Variants in VPS13D observed in about 807,000 individuals in gnomAD.
VPS13D encodes vacuolar protein sorting 13 homolog D.
VPS13D carries 187 observed loss-of-function variants against 461.9 expected under a neutral mutation model. The observed-to-expected ratio is 0.40, with a 90% CI of 0.36 to 0.46. The LOEUF is 0.46. Ranked by LOEUF, VPS13D falls within the 20% of genes least tolerant of loss-of-function variation. The pLI is 0.60. For synonymous variants in VPS13D, 1,951 were observed against 1,986.3 expected (o/e 0.98, Z 0.47); for missense variants, 4,711 against 5,364.9 (o/e 0.88, Z 3.81).
At position 12,507,393 on chromosome 1, in the gene VPS13D, C is replaced by T; in HGVS notation, c.13035+300C>T. On this transcript the variant is annotated intron_variant, in intron 69 of 69. Transcript: ENST00000620676. The surrounding 1 kb of genome is among the most constrained non-coding windows in gnomAD (Gnocchi z 5.3). ...ACTTACTCTCGTTGGTGATAAGGAA[C>T]AGCTAACACAACACACAGGGTTTTT... is the stretch of plus-strand genomic sequence containing the variant. 1.7e-6 allele frequency: 1 copy of T among 605,336 alleles called. No homozygotes were observed. Among genetic ancestry groups the T allele is most frequent in the Non-Finnish European group, 3.2e-6 (1 of 316,850 alleles). The allele number at this position is 605,336 out of a possible 1,614,324, so 37.5% of individuals were successfully genotyped here.
intron 67 of VPS13D, among the ~76,000 whole-genome samples, chr1:12,487,806 G>T (rs997234662): frequency 1.3e-5 from 2 of 152,130 alleles, no homozygotes; most frequent in African/African-American, 4.8e-5. Context: ...GCGGTTGTAC[G>T]TACTAAGATT....
rs200873224 is a variant in VPS13D at position 12,369,543 on chromosome 1, A to G, written c.10649A>G (p.Asp3550Gly). Residue 3550 changes from aspartate (D) to glycine (G), a missense_variant, in exon 54 of 70, where the codon GAT (aspartate) becomes GGT (glycine). Asp to Gly is a moderately conservative substitution (Grantham distance 94, BLOSUM62 -1). Coordinates refer to ENST00000620676, the MANE Select transcript of VPS13D (RefSeq NM_015378.4). ...GAAGTGAAGCCCATGACTTCATTGG[A>G]TTATGCCTGGGACGAACCCACCTTG... is the stretch of plus-strand genomic sequence containing the variant. Reference protein sequence around the residue: ...RTEVKPMTSLDYAWDEPTLPP... With the variant: ...RTEVKPMTSLGYAWDEPTLPP... 1 of 1,614,136 alleles carries G rather than the reference A, an allele frequency of 6.2e-7. No homozygotes were observed. The highest frequency in any genetic ancestry group is 1.3e-5 in the African/African-American group (1 of 75,032).
Position 12,283,802 on chromosome 1 carries a change from C to T in VPS13D, c.5634+66C>T, listed in dbSNP as rs996065391. ...GGATTTGGGCTTGTTGATTTAAATA[C>T]AAGCACTTTACATTTACTTTGGAAA... On this transcript the variant is annotated intron_variant, in intron 21 of 69. Transcript: ENST00000620676. 9 of 1,450,026 alleles carry T rather than the reference C, an allele frequency of 6.2e-6. No homozygotes were observed. The Admixed American group carries it at 7.5e-5, about 12-fold the overall frequency. The allele number at this position is 1,450,026 out of a possible 1,614,324, so 89.8% of individuals were successfully genotyped here.
At chr1:12,479,543 C>A (rs1645684917) in intron 67 of VPS13D, among the ~76,000 whole-genome samples, 1 of 152,196 alleles carries the variant, frequency 6.6e-6, no homozygotes, top group Admixed American at 6.5e-5. Flanking sequence ...TATACTTTCC[C>A]CATTGTACAG....
chr1:12,472,284 G>A lies in VPS13D; in HGVS notation c.12662+11888G>A, dbSNP rs114258326. ...GGTTTGAGGCTGAGGGGGCCTTACT[G>A]TGGAATGATCAAGTGGGGACCTGCT... On this transcript the variant is annotated intron_variant, in intron 67 of 69. Coordinates refer to ENST00000620676, the MANE Select transcript of VPS13D (RefSeq NM_015378.4). Among the ~76,000 whole-genome samples the A allele has an allele frequency of 5.8e-3, 885 of 152,336 alleles. 9 individuals carry two copies. Among genetic ancestry groups the A allele is most frequent in the African/African-American group, 0.019 (793 of 41,574 alleles).
At chr1:12,374,813 C>G (rs1200667120) in intron 55 of VPS13D, among the ~76,000 whole-genome samples, 1 of 152,204 alleles carries the variant, frequency 6.6e-6, no homozygotes, top group African/African-American at 2.4e-5. Context: ...TCTCAGCTCA[C>G]TACAACCTCT....
chr1:12,246,932 C>T (rs971177037), intron 5 of VPS13D, among the ~76,000 whole-genome samples: 3 of 152,152 alleles, frequency 2.0e-5, no homozygotes, highest in Non-Finnish European at 2.9e-5. Flanking sequence ...AATAATATTG[C>T]TGTAAACATT....
Position 12,279,607 on chromosome 1 carries a change from C to CTAG in VPS13D, c.4560_4562dup (p.Ser1521dup), listed in dbSNP as rs748695490. ...CTTAGCCCAGATGACCTGGGAACTTCTAGCATCATGAAGATTGAAGGAAAA... is the reference window on the plus strand; with the variant it reads ...CTTAGCCCAGATGACCTGGGAACTTCTAGTAGCATCATGAAGATTGAAGGAAAA... On this transcript the variant is annotated inframe_insertion, in exon 20 of 70. Transcript: ENST00000620676. This position sits in a 1 kb window ranked among gnomAD's most constrained non-coding sequence, Gnocchi z 4.3. 4 of 1,612,748 alleles carry CTAG rather than the reference C, an allele frequency of 2.5e-6. No homozygotes were observed. The East Asian group carries it at 8.9e-5, about 36-fold the overall frequency.
At chr1:12,314,511 T>C (rs1642839497) in intron 30 of VPS13D, among the ~76,000 whole-genome samples, 184 bp downstream of exon 30, 1 of 152,252 alleles carries the variant, frequency 6.6e-6, no homozygotes, top group Admixed American at 6.5e-5. Flanking sequence ...GTTTCATTTA[T>C]TGGCCAAAAG....
At chr1:12,430,128 T>C (rs192688003) in intron 65 of VPS13D, among the ~76,000 whole-genome samples, 2 of 152,292 alleles carry the variant, frequency 1.3e-5, no homozygotes, top group Non-Finnish European at 2.9e-5. Context: ...ATTGAGGTAA[T>C]TTTCTCTTTA....
intron 67 of VPS13D, among the ~76,000 whole-genome samples, chr1:12,469,719 A>G (rs192063376): frequency 1.3e-5 from 2 of 152,356 alleles, no homozygotes; most frequent in East Asian, 1.9e-4. Flanking sequence ...CTGGGTTTCT[A>G]GAAGTAACAA....
In VPS13D at chr1:12,365,444, G is replaced by A. The variant is rs1413076997; in HGVS notation, c.10448+2197G>A. On this transcript the variant is annotated intron_variant, in intron 52 of 69. Transcript: ENST00000620676. ...CATCAGGCCGGGCATGGTGGCTCACGCCTGTAATCCCAGCACTTTCGGAGG... is the reference window on the plus strand; with the variant it reads ...CATCAGGCCGGGCATGGTGGCTCACACCTGTAATCCCAGCACTTTCGGAGG... Among the ~76,000 whole-genome samples, 3 of 152,120 alleles carry A rather than the reference G, an allele frequency of 2.0e-5. 1 individual carries two copies. The highest frequency in any genetic ancestry group is 7.2e-5 in the African/African-American group (3 of 41,418).
intron 60 of VPS13D, among the ~76,000 whole-genome samples, chr1:12,390,847 A>G (rs1413933153): frequency 6.6e-6 from 1 of 152,188 alleles, no homozygotes; most frequent in African/African-American, 2.4e-5. Context: ...CACTTTGTTC[A>G]TAGTCCCAGT....
At chr1:12,456,662 A>G (rs567332183) in intron 66 of VPS13D, among the ~76,000 whole-genome samples, 1 of 135,972 alleles carries the variant, frequency 7.4e-6, no homozygotes, top group East Asian at 2.2e-4. Flanking sequence ...AAAAAAAAAG[A>G]AAAGGCTGAC....
intron 52 of VPS13D, among the ~76,000 whole-genome samples, chr1:12,368,145 C>T (rs1644064857): frequency 6.6e-6 from 1 of 152,170 alleles, no homozygotes; most frequent in Non-Finnish European, 1.5e-5. Context: ...GTAAACTTTC[C>T]ATTCCCTTCA....
At chr1:12,346,563 T>C in intron 43 of VPS13D, 42 bp from the exon 44 acceptor site, 1 of 1,600,590 alleles carries the variant, frequency 6.2e-7, no homozygotes, top group South Asian at 1.1e-5. Flanking sequence ...TTGCTAATTA[T>C]CTTAAGTCTG....
chr1:12,376,423 A>G (rs1045920845), intron 55 of VPS13D, among the ~76,000 whole-genome samples: 1 of 152,244 alleles, frequency 6.6e-6, no homozygotes, highest in African/African-American at 2.4e-5. Context: ...GTGGTCTGTA[A>G]AGAGATGTAA....
At chr1:12,337,486 C>T (rs1224009041) in intron 39 of VPS13D, 2 of 152,206 alleles carry the variant, frequency 1.3e-5, no homozygotes, top group African/African-American at 4.8e-5. Flanking sequence ...TAGCCCTTAA[C>T]ATGAAATTTA....
rs1321774697 is a variant in VPS13D, at chr1:12,363,814, G to A, written c.10448+567G>A. Among the ~76,000 whole-genome samples the A allele has an allele frequency of 5.9e-5, 9 of 151,808 alleles. No homozygotes were observed. The East Asian group carries it at 7.7e-4, about 13-fold the overall frequency. ...CTAAAAATACAAAAATTAGCTGGGC[G>A]TGGTGGTGTGTGGCTGTAGTCACAG... On this transcript the variant is annotated intron_variant, in intron 52 of 69. Transcript: ENST00000620676.
Sources: allele counts gnomAD v4.1 joint callset (sites outside exome capture counted in the v4.1 genomes callset), GRCh38; gene constraint gnomAD v4.1.1; non-coding constraint Gnocchi (gnomAD v3.1); transcripts MANE v1.5; gene names NCBI Gene and HGNC (gene_info 2026-07-23, HGNC 2026-07-21).